The following GRM4 variants were observed in gnomAD, a reference collection of about 807,000 sequenced individuals.
The protein encoded by GRM4 is metabotropic glutamate receptor 4.
A neutral mutation model predicts 81.7 loss-of-function variants in GRM4; 28 were observed. That is an observed-to-expected ratio of 0.34 (90% CI 0.25 to 0.47). GRM4 has a LOEUF of 0.47. GRM4 is among the 20% of genes least tolerant of loss of function. GRM4 has a pLI of 1.00. For missense variants in GRM4, 948 were observed against 1,290.0 expected, an observed-to-expected ratio of 0.73 and a Z score of 4.06; for synonymous variants, 488 against 528.8, an observed-to-expected ratio of 0.92 and a Z score of 1.06.
intron 3 of GRM4, among the ~76,000 whole-genome samples, chr6:34,081,724 G>A (rs190733186): frequency 3.0e-4 from 46 of 152,088 alleles, no homozygotes; most frequent in East Asian, 5.8e-4. Flanking sequence ...GGTGGGAAGC[G>A]CTGGGTGGTG....
At chr6:34,086,072 G>T (rs1424498439) in intron 3 of GRM4, among the ~76,000 whole-genome samples, 1 of 152,246 alleles carries the variant, frequency 6.6e-6, no homozygotes, top group African/African-American at 2.4e-5. Context: ...AGAGTGAGGA[G>T]AGGCAGCGGA....
At chr6:34,145,140 G>A (rs1236740479) in intron 1 of GRM4, among the ~76,000 whole-genome samples, 1 of 151,962 alleles carries the variant, frequency 6.6e-6, no homozygotes, top group Non-Finnish European at 1.5e-5. Context: ...GTGCCGGCCT[G>A]CCCCGGGGGC....
intron 3 of GRM4, among the ~76,000 whole-genome samples, chr6:34,066,305 C>T (rs1344024510): frequency 6.6e-6 from 1 of 152,136 alleles, no homozygotes; most frequent in Non-Finnish European, 1.5e-5. Context: ...TGTTTTACAA[C>T]AGAAGAATGA....
At chr6:34,027,152 G>A (rs1476728902) in intron 10 of GRM4, among the ~76,000 whole-genome samples, 2 of 152,308 alleles carry the variant, frequency 1.3e-5, no homozygotes, top group African/African-American at 4.8e-5. Flanking sequence ...TCTGTGGGGA[G>A]GAGGAGGACT....
intron 2 of GRM4, among the ~76,000 whole-genome samples, chr6:34,119,986 G>T (rs566287873): frequency 3.5e-4 from 53 of 152,204 alleles, no homozygotes; most frequent in Non-Finnish European, 5.7e-4. Context: ...GGAAGGGTGC[G>T]CAGGGAATAA....
upstream of GRM4, among the ~76,000 whole-genome samples, chr6:34,150,436 C>T (rs1771022801): frequency 6.6e-6 from 1 of 152,084 alleles, no homozygotes; most frequent in Admixed American, 6.5e-5. Context: ...TGTCTCTTCC[C>T]ACTTGCATGG....
chr6:34,124,951 C>A (rs1423710328), intron 2 of GRM4, among the ~76,000 whole-genome samples: 1 of 152,062 alleles, frequency 6.6e-6, no homozygotes, highest in Non-Finnish European at 1.5e-5. Flanking sequence ...GAGGTCTTCC[C>A]AGAGGCCCCC....
intron 10 of GRM4, among the ~76,000 whole-genome samples, chr6:34,025,637 G>A (rs1319730079): frequency 6.6e-6 from 1 of 152,148 alleles, no homozygotes; most frequent in East Asian, 1.9e-4. Flanking sequence ...CCGTGAGTCT[G>A]CCCAGGGCCC....
Position 34,042,640 on chromosome 6 carries a change from C to A in GRM4, c.1169-1892G>T, listed in dbSNP as rs1271686914. ...CATGCCACACTGCACAGAGGCAATT[C>A]CCCAGAGGGCAGCAGGGTGCACACC... On this transcript the variant is annotated intron_variant, in intron 6 of 10. Transcript: ENST00000538487. This position sits in a 1 kb window ranked among gnomAD's most constrained non-coding sequence, Gnocchi z 4.2. Among the ~76,000 whole-genome samples, 1 of 152,216 alleles carries A rather than the reference C, an allele frequency of 6.6e-6. No homozygotes were observed. The highest frequency in any genetic ancestry group is 1.5e-5 in the Non-Finnish European group (1 of 68,016).
chr6:34,144,299 C>T, intron 1 of GRM4, among the ~76,000 whole-genome samples: 1 of 152,222 alleles, frequency 6.6e-6, no homozygotes, highest in African/African-American at 2.4e-5. Flanking sequence ...GGGGAGGAGA[C>T]GCCTCCCACC....
In GRM4 at chr6:34,040,626, G is replaced by T; in HGVS notation, c.1291C>A (p.Arg431Ser). Residue 431 changes from arginine (R) to serine (S), a missense_variant, in exon 7 of 11, where the codon CGC becomes AGC. Physicochemically the swap from Arg to Ser is moderately radical, Grantham distance 110 (BLOSUM62 -1). Coordinates refer to ENST00000538487, the MANE Select transcript of GRM4 (RefSeq NM_000841.4). ...HAMHRDLCPG[R>S]VGLCPRMDPV... ...TCCATGCGCGGGCAGAGCCCCACGC[G>T]GCCGGGACACAGGTCACGGTGCATG... 6.2e-7 allele frequency: 1 copy of T among 1,614,044 alleles called. No individual in the cohort carries two copies. The highest frequency in any genetic ancestry group is 8.5e-7 in the Non-Finnish European group (1 of 1,179,894).
At chr6:34,029,598 A>G (rs2499669) in intron 9 of GRM4, among the ~76,000 whole-genome samples, 98,457 of 152,098 alleles carry the variant, frequency 0.65, 32,878 homozygotes, top group African/African-American at 0.81. Context: ...TGGAGAAGCC[A>G]TAGGGCCTAA....
intron 3 of GRM4, among the ~76,000 whole-genome samples, chr6:34,087,702 C>G (rs1191945651): frequency 7.1e-6 from 1 of 140,848 alleles, no homozygotes; most frequent in Admixed American, 7.1e-5. Context: ...ACACACAACC[C>G]CCCCCCCACA....
At chr6:34,155,365 G>T in exon 1 of GRM4, 1 of 1,506,948 alleles carries the variant, frequency 6.6e-7, no homozygotes, top group East Asian at 2.5e-5. Flanking sequence ...GCAGGAAGCT[G>T]CAACTCCAGG....
rs926214283 is a variant in GRM4 at position 34,019,630 on chromosome 6, A to G, written c.*3191T>C. 2 of 152,106 alleles carry G rather than the reference A, an allele frequency of 1.3e-5. No individual in the cohort carries two copies. Among genetic ancestry groups the G allele is most frequent in the African/African-American group, 4.8e-5 (2 of 41,400 alleles). 9.4% of individuals were successfully genotyped at this position (152,106 alleles called of 1,614,324 possible). ...TGCTAGCCCAATCCTTCATTCAGAC[A>G]TTGAGGAGGCTGAGGCCACGGGGGT... On this transcript the variant is annotated 3_prime_UTR_variant, in exon 11 of 11. Transcript: ENST00000538487.
intron 3 of GRM4, among the ~76,000 whole-genome samples, chr6:34,071,438 ACACCACACACACACAT>A: frequency 7.9e-6 from 1 of 125,860 alleles, no homozygotes; most frequent in Middle Eastern, 3.8e-3. Flanking sequence ...ACACAGATAC[ACACCACACACACACAT>A]CACCACAGAG....
At chr6:34,153,138 G>A (rs1316280643) in intron 1 of GRM4, among the ~76,000 whole-genome samples, 1 of 152,136 alleles carries the variant, frequency 6.6e-6, no homozygotes. Flanking sequence ...TGGACAAGAA[G>A]GGACCTTGGC....
At position 34,022,932 on chromosome 6, in the gene GRM4, C is replaced by T. The variant is rs953531494; in HGVS notation, c.2690-62G>A. 8.5e-6 allele frequency: 11 copies of T among 1,291,384 alleles called. No homozygotes were observed. In the African/African-American group the frequency reaches 1.5e-4, roughly 17 times the overall value. The allele number at this position is 1,291,384 out of a possible 1,614,324, so 80.0% of individuals were successfully genotyped here. A position where few individuals can be genotyped will look rare whatever the true frequency, so the allele number is the denominator to read the frequency against. On this transcript the variant is annotated intron_variant, in intron 10 of 10. Transcript: ENST00000538487. The surrounding 1 kb of genome is among the most constrained non-coding windows in gnomAD (Gnocchi z 5.6). ...GGGCTGCTTTTCTCAAACTGTCCTTCCACATGGGCACAGCCCTGCACAAGA... is the reference window on the plus strand; with the variant it reads ...GGGCTGCTTTTCTCAAACTGTCCTTTCACATGGGCACAGCCCTGCACAAGA...
At chr6:34,149,039 T>C (rs1008046198), upstream of GRM4, among the ~76,000 whole-genome samples, 6 of 152,322 alleles carry the variant, frequency 3.9e-5, no homozygotes, top group South Asian at 1.2e-3. Context: ...CTGTGTGACC[T>C]GGAAGTTCTT....
Sources: gnomAD v4.1 joint callset for allele counts (sites outside exome capture counted in the v4.1 genomes callset) on GRCh38, gnomAD v4.1.1 for gene constraint, Gnocchi (gnomAD v3.1) non-coding constraint, MANE v1.5 for transcripts, NCBI Gene and HGNC (gene_info 2026-07-23, HGNC 2026-07-21) for gene names.